The following EXOC6B variants were observed in gnomAD, a reference collection of about 807,000 sequenced individuals.
The protein encoded by EXOC6B is SEC15 homolog B.
In EXOC6B, 54 loss-of-function variants were observed where a neutral mutation model predicts 113.5. That is an observed-to-expected ratio of 0.48 (90% confidence interval 0.38 to 0.60). The LOEUF is 0.60. EXOC6B is among the 20% of genes least tolerant of loss of function. The probability of loss-of-function intolerance (pLI) is 0.00; values close to 1 mark genes in which losing one functional copy is unlikely to be tolerated. For missense variants in EXOC6B, 797 were observed against 977.5 expected (o/e 0.82, Z 2.46); for synonymous variants, 357 against 339.0 (o/e 1.05, Z -0.58).
intron 6 of EXOC6B, among the ~76,000 whole-genome samples, chr2:72,616,633 G>C (rs1308013235): frequency 1.3e-5 from 2 of 152,090 alleles, no homozygotes; most frequent in African/African-American, 4.8e-5. Flanking sequence ...GATCTTGTGA[G>C]ACTTACTCAC....
intron 20 of EXOC6B, among the ~76,000 whole-genome samples, chr2:72,214,487 C>CA (rs11355575): frequency 0.029 from 3,096 of 105,060 alleles, 95 homozygotes; most frequent in African/African-American, 0.079. Flanking sequence ...TGAGACTTGT[C>CA]AAAAAAAAAA....
intron 11 of EXOC6B, among the ~76,000 whole-genome samples, chr2:72,506,967 A>G (rs1323754167): frequency 1.3e-5 from 2 of 152,106 alleles, no homozygotes; most frequent in Admixed American, 1.3e-4. Flanking sequence ...AGGCATATTA[A>G]ATCTTTTAAT....
chr2:72,794,968 A>G (rs1352523570), intron 1 of EXOC6B, among the ~76,000 whole-genome samples: 1 of 152,238 alleles, frequency 6.6e-6, no homozygotes, highest in Admixed American at 6.5e-5. Flanking sequence ...TGGAAGTACA[A>G]AAACACATGC....
At chr2:72,680,300 C>G (rs1676609398) in intron 6 of EXOC6B, among the ~76,000 whole-genome samples, 1 of 152,140 alleles carries the variant, frequency 6.6e-6, no homozygotes, top group African/African-American at 2.4e-5. Context: ...TAACAATTGA[C>G]AAGTACATTT....
intron 20 of EXOC6B, among the ~76,000 whole-genome samples, chr2:72,329,940 G>T (rs756560711): frequency 6.6e-6 from 1 of 152,048 alleles, no homozygotes; most frequent in Non-Finnish European, 1.5e-5. Context: ...GTTAGAAATT[G>T]GGGAATAACT....
At chr2:72,809,239 C>G (rs1307441802) in intron 1 of EXOC6B, among the ~76,000 whole-genome samples, 4 of 151,902 alleles carry the variant, frequency 2.6e-5, no homozygotes, top group Admixed American at 2.6e-4. Context: ...TAAATAATTA[C>G]ATTAAATGTA....
At chr2:72,513,913 T>C (rs1701075437) in intron 10 of EXOC6B, among the ~76,000 whole-genome samples, 1 of 152,154 alleles carries the variant, frequency 6.6e-6, no homozygotes, top group South Asian at 2.1e-4. Flanking sequence ...TAATAACTAC[T>C]AATTACATTG....
At chr2:72,738,532 G>C (rs1482669944) in intron 2 of EXOC6B, among the ~76,000 whole-genome samples, 1 of 152,118 alleles carries the variant, frequency 6.6e-6, no homozygotes, top group Non-Finnish European at 1.5e-5. Flanking sequence ...GTTTTCTGAT[G>C]AACATTCAAA....
intron 20 of EXOC6B, among the ~76,000 whole-genome samples, chr2:72,205,364 GAAA>G (rs34311680): frequency 1.4e-5 from 2 of 141,130 alleles, no homozygotes; most frequent in African/African-American, 5.2e-5. Context: ...GCTTAAAGTA[GAAA>G]AAAAAAAAAG....
chr2:72,572,845 AAATAT>A (rs1378192737), intron 7 of EXOC6B, among the ~76,000 whole-genome samples: 18 of 152,240 alleles, frequency 1.2e-4, no homozygotes, highest in African/African-American at 4.3e-4. Context: ...AGAAGTAAAT[AAATAT>A]AAGGTAGAAT....
rs574848500 is a variant in EXOC6B, at chr2:72,220,569, C to T, written c.2197-36382G>A. Among the ~76,000 whole-genome samples the T allele has an allele frequency of 6.4e-4, 97 of 152,250 alleles. 1 individual carries two copies. Among genetic ancestry groups the T allele is most frequent in the Non-Finnish European group, 5.4e-4 (37 of 68,022 alleles). ...TAAAAAGTGATCTAGGCTTGTATTT[C>T]GGATCTTCAGGCTATATATTTCATC... On this transcript the variant is annotated intron_variant, in intron 20 of 21. Transcript: ENST00000272427.
intron 8 of EXOC6B, among the ~76,000 whole-genome samples, chr2:72,539,134 G>T (rs1486361391): frequency 6.6e-6 from 1 of 152,118 alleles, no homozygotes; most frequent in East Asian, 1.9e-4. Flanking sequence ...CCAGAGTAGT[G>T]CAAGACCTCC....
chr2:72,621,776 A>G (rs1202148330), intron 6 of EXOC6B, among the ~76,000 whole-genome samples: 2 of 152,222 alleles, frequency 1.3e-5, no homozygotes, highest in Non-Finnish European at 2.9e-5. Context: ...AATCAGATAC[A>G]TATAGAATAA....
chr2:72,406,574 G>A (rs1693785571), intron 18 of EXOC6B, among the ~76,000 whole-genome samples: 1 of 152,162 alleles, frequency 6.6e-6, no homozygotes, highest in Non-Finnish European at 1.5e-5. Flanking sequence ...CAACGACATG[G>A]AAACTGAACA....
chr2:72,451,546 A>G (rs943035642), intron 18 of EXOC6B, among the ~76,000 whole-genome samples: 4 of 152,224 alleles, frequency 2.6e-5, no homozygotes, highest in Non-Finnish European at 4.4e-5. Context: ...CCTACATGAC[A>G]TAAAAATAAC....
At chr2:72,824,254 T>C (rs566869487) in intron 1 of EXOC6B, among the ~76,000 whole-genome samples, 3 of 151,914 alleles carry the variant, frequency 2.0e-5, no homozygotes, top group Non-Finnish European at 4.4e-5. Flanking sequence ...GGTGTGGTGG[T>C]GGTGCACAGC....
intron 20 of EXOC6B, among the ~76,000 whole-genome samples, chr2:72,294,781 G>A (rs1229524658): frequency 6.6e-6 from 1 of 152,060 alleles, no homozygotes; most frequent in African/African-American, 2.4e-5. Flanking sequence ...TGAGCAATTA[G>A]TTTCAAGAAT....
Position 72,621,655 on chromosome 2 carries a change from T to G in EXOC6B, c.670-45987A>C, listed in dbSNP as rs146566395. Reference sequence around the variant, plus strand: ...AATTTGAAAGGAAATATATATATTTTTTCCTTTTATAAAAAGGAGGACAGA... The same window carrying G: ...AATTTGAAAGGAAATATATATATTTGTTCCTTTTATAAAAAGGAGGACAGA... On this transcript the variant is annotated intron_variant, in intron 6 of 21. Coordinates refer to ENST00000272427, the MANE Select transcript of EXOC6B (RefSeq NM_015189.3). Among the ~76,000 whole-genome samples, 189 of 152,300 alleles carry G rather than the reference T, an allele frequency of 1.2e-3. 2 individuals carry two copies. The highest frequency in any genetic ancestry group is 4.3e-3 in the African/African-American group (180 of 41,560).
chr2:72,341,811 A>G (rs2104908058), intron 19 of EXOC6B, among the ~76,000 whole-genome samples: 1 of 152,250 alleles, frequency 6.6e-6, no homozygotes, highest in South Asian at 2.1e-4. Context: ...AAGTGCTCAG[A>G]GAACATTCTA....
Sources: gnomAD v4.1 joint callset for allele counts (sites outside exome capture counted in the v4.1 genomes callset) on GRCh38, gnomAD v4.1.1 for gene constraint, MANE v1.5 for transcripts, NCBI Gene and HGNC (gene_info 2026-07-23, HGNC 2026-07-21) for gene names.